MAGI1: variants seen among roughly 807,000 people sequenced by gnomAD.
The protein encoded by MAGI1 is membrane-associated guanylate kinase, WW and PDZ domain-containing protein 1.
A neutral mutation model predicts 139.9 loss-of-function variants in MAGI1; 58 were observed. The ratio of observed to expected loss-of-function variants is 0.41; its 90% CI spans 0.34 to 0.52. MAGI1 has a LOEUF of 0.52. MAGI1 is among the 20% of genes least tolerant of loss of function. The pLI, the probability that MAGI1 is intolerant of heterozygous loss-of-function variation, is 0.12. For synonymous variants in MAGI1, 812 were observed against 737.9 expected, an observed-to-expected ratio of 1.10 and a Z score of -1.63; for missense variants, 1,874 against 1,901.6, an observed-to-expected ratio of 0.99 and a Z score of 0.27.
chr3:66,038,120 C>G lies in MAGI1; in HGVS notation c.189G>C (p.Arg63Ser), dbSNP rs771353388. The G allele has an allele frequency of 3.0e-5, 48 of 1,612,296 alleles. No homozygotes were observed. The highest frequency in any genetic ancestry group is 2.3e-4 in the South Asian group (21 of 91,018). ...CCAGAAGCAGCTCCCCTTCGCCCAGCCTCGGGCCCTCGCCGCCGCCGGGAA... is the reference window on the plus strand; with the variant it reads ...CCAGAAGCAGCTCCCCTTCGCCCAGGCTCGGGCCCTCGCCGCCGCCGGGAA... ...AGLPGGGEGP[R>S]LGEGELLLEV... is the part of the protein sequence containing the mutation. Residue 63 changes from arginine (R) to serine (S), a missense_variant, in exon 1 of 23, where the codon AGG (arginine) becomes AGC (serine). By Grantham distance (110) the Arg-to-Ser change is moderately radical. Transcript: ENST00000402939.
intron 1 of MAGI1, among the ~76,000 whole-genome samples, chr3:65,899,815 G>A (rs1246270532): frequency 6.6e-6 from 1 of 152,124 alleles, no homozygotes; most frequent in Non-Finnish European, 1.5e-5. Flanking sequence ...GTTAAAACTG[G>A]ATTAAGGAAC....
intron 2 of MAGI1, among the ~76,000 whole-genome samples, chr3:65,576,824 C>T (rs1450278096): frequency 6.6e-6 from 1 of 152,160 alleles, no homozygotes; most frequent in East Asian, 1.9e-4. Context: ...ATTCTCTGAG[C>T]TTCACTTTTC....
chr3:65,809,987 CT>C (rs2041119386), intron 1 of MAGI1, among the ~76,000 whole-genome samples: 1 of 152,002 alleles, frequency 6.6e-6, no homozygotes, highest in African/African-American at 2.4e-5. Context: ...CTCTCTCTCT[CT>C]CTCCCTCTCT....
At chr3:65,638,176 G>C (rs1021265653) in intron 1 of MAGI1, among the ~76,000 whole-genome samples, 1 of 151,934 alleles carries the variant, frequency 6.6e-6, no homozygotes, top group Admixed American at 6.6e-5. Context: ...AGAAAAATGG[G>C]GATAAGAATA....
chr3:66,008,356 C>G, intron 1 of MAGI1, among the ~76,000 whole-genome samples: 1 of 152,118 alleles, frequency 6.6e-6, no homozygotes, highest in Admixed American at 6.5e-5. Context: ...AATGCTGGGC[C>G]CTACACCATC....
chr3:65,846,432 T>C (rs1418978216), intron 1 of MAGI1, among the ~76,000 whole-genome samples: 4 of 152,206 alleles, frequency 2.6e-5, no homozygotes, highest in African/African-American at 9.7e-5. Flanking sequence ...CCTTAGTAAG[T>C]TACTTAGCTA....
At position 65,683,233 on chromosome 3, in the gene MAGI1, AAC is replaced by A. The variant is rs137907098; in HGVS notation, c.314-61147_314-61146del. ...ATACATGTCATTATAAATTTATCTA[AAC>A]CCATAGAGCTATGTCGTTTATGTCA... On this transcript the variant is annotated intron_variant, in intron 1 of 22. Transcript: ENST00000402939. Among the ~76,000 whole-genome samples the A allele has an allele frequency of 9.7e-3, 1,473 of 152,124 alleles. 25 individuals are homozygous for A. The highest frequency in any genetic ancestry group is 0.033 in the African/African-American group (1,375 of 41,488).
At chr3:65,591,494 T>C (rs2081962585) in intron 2 of MAGI1, among the ~76,000 whole-genome samples, 1 of 152,144 alleles carries the variant, frequency 6.6e-6, no homozygotes, top group Non-Finnish European at 1.5e-5. Context: ...TCATAACAAC[T>C]TCCTGTCAGT....
chr3:65,934,052 C>T (rs55712705), intron 1 of MAGI1, among the ~76,000 whole-genome samples: 210 of 152,060 alleles, frequency 1.4e-3, no homozygotes, highest in African/African-American at 4.7e-3. Flanking sequence ...ACTTGAACTG[C>T]GAAGGTTGCA....
intron 1 of MAGI1, among the ~76,000 whole-genome samples, chr3:65,785,232 G>C (rs1475042926): frequency 6.6e-6 from 1 of 152,140 alleles, no homozygotes; most frequent in Non-Finnish European, 1.5e-5. Flanking sequence ...AGAAGTATTT[G>C]TAGGAGAAGC....
chr3:65,761,199 A>G (rs1408359789), intron 1 of MAGI1, among the ~76,000 whole-genome samples: 1 of 152,162 alleles, frequency 6.6e-6, no homozygotes, highest in Non-Finnish European at 1.5e-5. Flanking sequence ...TGTACTAGGC[A>G]AAAGATGGTA....
chr3:65,461,031 T>A (rs1170296540), intron 5 of MAGI1, among the ~76,000 whole-genome samples: 1 of 152,140 alleles, frequency 6.6e-6, no homozygotes, highest in African/African-American at 2.4e-5. Flanking sequence ...ATATTTATAG[T>A]AGAATGATTT....
rs17073531 is a variant in MAGI1 at position 65,706,332 on chromosome 3, G to A, written c.314-84244C>T. ...TGACATGAATGAGCTAAATCTGAGC[G>A]GAACTCTTAAAAGCCTCACTGGGAT... On this transcript the variant is annotated intron_variant, in intron 1 of 22. Coordinates refer to ENST00000402939, the MANE Select transcript of MAGI1 (RefSeq NM_001033057.2). 1.1e-3 allele frequency among the ~76,000 whole-genome samples: 171 copies of A among 152,310 alleles called. 4 individuals are homozygous for A. The East Asian group carries it at 0.03, about 27-fold the overall frequency.
At chr3:65,852,481 T>C (rs899868045) in intron 1 of MAGI1, among the ~76,000 whole-genome samples, 1 of 152,142 alleles carries the variant, frequency 6.6e-6, no homozygotes, top group South Asian at 2.1e-4. Flanking sequence ...ATAAAAATGT[T>C]TGAAGACACA....
rs1237212562 is a variant in MAGI1, at chr3:65,354,920, G to A, written c.*1458C>T. On this transcript the variant is annotated 3_prime_UTR_variant, in exon 23 of 23. Transcript: ENST00000402939. Reference sequence around the variant, plus strand: ...CTTTTTCCTTTTTTTTTTTCTTACAGTACCATGGGAACAACAGTGATTGAC... The same window carrying A: ...CTTTTTCCTTTTTTTTTTTCTTACAATACCATGGGAACAACAGTGATTGAC... 7.2e-6 allele frequency: 1 copy of A among 139,474 alleles called. No individual in the cohort carries two copies. Among genetic ancestry groups the A allele is most frequent in the African/African-American group, 2.7e-5 (1 of 36,972 alleles). The allele number at this position is 139,474 out of a possible 1,614,324, so 8.6% of individuals were successfully genotyped here.
intron 1 of MAGI1, among the ~76,000 whole-genome samples, chr3:65,714,404 C>T (rs1476246340): frequency 6.6e-5 from 10 of 152,022 alleles, no homozygotes; most frequent in Admixed American, 6.6e-4. Flanking sequence ...GGCAGATTCC[C>T]CCAGCTCAGG....
chr3:65,940,369 G>A (rs187605207), intron 1 of MAGI1, among the ~76,000 whole-genome samples: 14 of 152,324 alleles, frequency 9.2e-5, no homozygotes, highest in African/African-American at 3.1e-4. Context: ...TCTGGAGGCT[G>A]AAGTCTAAGA....
At chr3:65,811,729 G>A (rs2108199480) in intron 1 of MAGI1, among the ~76,000 whole-genome samples, 1 of 151,692 alleles carries the variant, frequency 6.6e-6, no homozygotes, top group African/African-American at 2.4e-5. Context: ...CCAAGACAGA[G>A]AGGTAAACTG....
chr3:65,989,438 G>A (rs904693287), intron 1 of MAGI1, among the ~76,000 whole-genome samples: 1 of 152,194 alleles, frequency 6.6e-6, no homozygotes, highest in African/African-American at 2.4e-5. Flanking sequence ...TAATGCTACT[G>A]TGGAGAACCA....
Sources: allele counts gnomAD v4.1 joint callset (sites outside exome capture counted in the v4.1 genomes callset), GRCh38; gene constraint gnomAD v4.1.1; transcripts MANE v1.5; gene names NCBI Gene and HGNC (gene_info 2026-07-23, HGNC 2026-07-21).